Variants in CARHSP1 observed in about 807,000 individuals in gnomAD.
The protein encoded by CARHSP1 is calcium-regulated heat-stable protein 1.
A neutral mutation model predicts 12.5 loss-of-function variants in CARHSP1; 14 were observed. That is an observed-to-expected ratio of 1.12 (90% CI 0.74 to 1.75). The LOEUF is 1.75. Among genes scored for constraint, CARHSP1 ranks in the 40% most tolerant of loss-of-function variants. CARHSP1 has a pLI of 0.00. For missense variants in CARHSP1, 343 were observed against 201.6 expected (o/e 1.70, Z -4.25); for synonymous variants, 161 against 82.0 (o/e 1.96, Z -5.20).
At chr16:8,860,116 G>A (rs1038666817) in intron 1 of CARHSP1, 13 of 985,058 alleles carry the variant, frequency 1.3e-5, no homozygotes, top group South Asian at 9.4e-5. Context: ...CTCACGCAGT[G>A]TCCGCCTCCA....
At chr16:8,865,841 A>G (rs975613735) in intron 1 of CARHSP1, among the ~76,000 whole-genome samples, 3 of 152,248 alleles carry the variant, frequency 2.0e-5, no homozygotes, top group Admixed American at 1.3e-4. Context: ...TAAGGCACAG[A>G]GTTAAGCCAG....
In CARHSP1 at chr16:8,854,325, A is replaced by G. The variant is rs1177519523; in HGVS notation, c.*839T>C. 6.6e-6 allele frequency: 1 copy of G among 152,172 alleles called. No homozygotes were observed. Among genetic ancestry groups the G allele is most frequent in the Non-Finnish European group, 1.5e-5 (1 of 68,040 alleles). 9.4% of individuals were successfully genotyped at this position (152,172 alleles called of 1,614,324 possible). ...GGATCGGGACAAAGTTTTTAAACAA[A>G]GACTGTGTCCTCTCCACAAGCCCTT... is the stretch of plus-strand genomic sequence containing the variant. On this transcript the variant is annotated 3_prime_UTR_variant, in exon 4 of 4. Coordinates refer to ENST00000311052, the MANE Select transcript of CARHSP1 (RefSeq NM_014316.4).
intron 3 of CARHSP1, among the ~76,000 whole-genome samples, chr16:8,856,676 C>T (rs1006575613): frequency 2.0e-5 from 3 of 152,160 alleles, no homozygotes; most frequent in African/African-American, 7.2e-5. Context: ...CTCCTCTTTT[C>T]AGAAATGTGG....
intron 1 of CARHSP1, chr16:8,860,401 T>C: frequency 1.0e-6 from 1 of 985,436 alleles, no homozygotes; most frequent in Non-Finnish European, 1.2e-6. Flanking sequence ...GCTGTGCTTT[T>C]GACAATTTTT....
At chr16:8,860,431 G>A (rs2061315325) in intron 1 of CARHSP1, 10 of 985,432 alleles carry the variant, frequency 1.0e-5, no homozygotes, top group South Asian at 4.7e-5. Context: ...GACACTCGCT[G>A]TACACAATAA....
At chr16:8,859,465 C>T in intron 1 of CARHSP1, 130 bp from the exon 2 acceptor site, 2 of 833,548 alleles carry the variant, frequency 2.4e-6, no homozygotes, top group Non-Finnish European at 1.8e-6. Flanking sequence ...ACCATTGTCA[C>T]CTTGTCTGGG....
chr16:8,865,444 T>C (rs967199528), intron 1 of CARHSP1, among the ~76,000 whole-genome samples: 2 of 152,228 alleles, frequency 1.3e-5, no homozygotes, highest in African/African-American at 2.4e-5. Flanking sequence ...AGCCCCTTTA[T>C]TGAAGACAGG....
intron 3 of CARHSP1, chr16:8,858,074 TTACACACCCATTCACAAA>T (rs2061206179): frequency 2.2e-6 from 1 of 459,086 alleles, no homozygotes; most frequent in Non-Finnish European, 4.0e-6. Flanking sequence ...ACACAAAACC[TTACACACCCATTCACAAA>T]GACACACCCA....
At chr16:8,864,056 G>T (rs532713874) in intron 1 of CARHSP1, among the ~76,000 whole-genome samples, 1 of 152,198 alleles carries the variant, frequency 6.6e-6, no homozygotes, top group South Asian at 2.1e-4. Context: ...TGAGCTTCTG[G>T]CCTGCAACAA....
At chr16:8,858,786 C>A in intron 2 of CARHSP1, 1 of 439,132 alleles carries the variant, frequency 2.3e-6, no homozygotes, top group Non-Finnish European at 4.1e-6. Context: ...CAAGCATCCT[C>A]CACTCGCAAG....
At chr16:8,863,655 C>T (rs2061407226) in intron 1 of CARHSP1, among the ~76,000 whole-genome samples, 1 of 152,094 alleles carries the variant, frequency 6.6e-6, no homozygotes, top group South Asian at 2.1e-4. Context: ...GCTGGGGTGG[C>T]CAGAGTAGGC....
rs2060988927 is a variant in CARHSP1, at chr16:8,853,067, CGAGGAGTTTCCCCTTGTGT to C, written c.*2078_*2096del. 6.6e-6 allele frequency: 1 copy of C among 152,138 alleles called. No homozygotes were observed. The highest frequency in any genetic ancestry group is 1.5e-5 in the Non-Finnish European group (1 of 68,030). 9.4% of individuals were successfully genotyped at this position (152,138 alleles called of 1,614,324 possible). On this transcript the variant is annotated 3_prime_UTR_variant, in exon 4 of 4. Transcript: ENST00000311052. Reference sequence around the variant, plus strand: ...AAACCCTCCGTCCCTCCCAGAGCCTCGAGGAGTTTCCCCTTGTGTAAACCGGTATCGCGTCCCTTCCAGC... The same window carrying C: ...AAACCCTCCGTCCCTCCCAGAGCCTCAAACCGGTATCGCGTCCCTTCCAGC...
At chr16:8,856,231 A>T (rs955768319) in intron 3 of CARHSP1, among the ~76,000 whole-genome samples, 7 of 152,112 alleles carry the variant, frequency 4.6e-5, no homozygotes, top group African/African-American at 1.7e-4. Flanking sequence ...ACCCTCTCAC[A>T]TGAGACTGGC....
chr16:8,868,607 G>A (rs1236447618), intron 1 of CARHSP1: 1 of 151,428 alleles, frequency 6.6e-6, no homozygotes, highest in Non-Finnish European at 1.5e-5. Flanking sequence ...CCCGCGCCTC[G>A]CCCCACCGCC....
intron 1 of CARHSP1, chr16:8,861,818 G>T (rs1324838783): frequency 1.7e-6 from 2 of 1,198,242 alleles, no homozygotes; most frequent in Non-Finnish European, 2.1e-6. Context: ...AATGTTCAAC[G>T]CCCAGAGTTC....
intron 3 of CARHSP1, 107 bp downstream of exon 3, chr16:8,858,242 AT>A: frequency 1.5e-6 from 2 of 1,301,692 alleles, no homozygotes; most frequent in Non-Finnish European, 2.1e-6. Flanking sequence ...AGGCCCAGCC[AT>A]TCGTCCTCAC....
chr16:8,865,964 T>C (rs1201983828), intron 1 of CARHSP1, among the ~76,000 whole-genome samples: 1 of 151,670 alleles, frequency 6.6e-6, no homozygotes, highest in African/African-American at 2.4e-5. Context: ...TTCTTTTTTA[T>C]TTTTTTTGAG....
intron 1 of CARHSP1, among the ~76,000 whole-genome samples, chr16:8,865,399 C>T (rs558331934): frequency 2.2e-4 from 34 of 152,288 alleles, no homozygotes; most frequent in African/African-American, 6.7e-4. Flanking sequence ...CATGAGCCAC[C>T]GTGCCCAGCC....
chr16:8,857,290 TTTTTTTTTTG>T (rs2061163718), intron 3 of CARHSP1, among the ~76,000 whole-genome samples: 1 of 130,360 alleles, frequency 7.7e-6, no homozygotes, highest in African/African-American at 2.9e-5. Flanking sequence ...TTTTTTTTTT[TTTTTTTTTTG>T]AGATGGAGTT....
Sources: gnomAD v4.1 joint callset for allele counts (sites outside exome capture counted in the v4.1 genomes callset) on GRCh38, gnomAD v4.1.1 for gene constraint, MANE v1.5 for transcripts, NCBI Gene and HGNC (gene_info 2026-07-23, HGNC 2026-07-21) for gene names.